Variants in C8orf34 observed in about 807,000 individuals in gnomAD.
The protein encoded by C8orf34 is chromosome 8 open reading frame 34.
Under a neutral mutation model 68.3 loss-of-function variants are expected in C8orf34, and 65 were observed. The observed-to-expected ratio is 0.95, with a 90% CI of 0.78 to 1.17. The LOEUF (loss-of-function observed/expected upper bound fraction) is 1.17. Among genes scored for constraint, C8orf34 ranks in the 50% most tolerant of loss-of-function variants. The probability of loss-of-function intolerance (pLI) is 0.00; values close to 1 mark genes in which losing one functional copy is unlikely to be tolerated. For synonymous variants in C8orf34, 244 were observed against 241.2 expected, an observed-to-expected ratio of 1.01 and a Z score of -0.11; for missense variants, 664 against 655.4, an observed-to-expected ratio of 1.01 and a Z score of -0.14.
chr8:68,368,549 G>A (rs1807416466), intron 1 of C8orf34, among the ~76,000 whole-genome samples: 1 of 151,976 alleles, frequency 6.6e-6, no homozygotes, highest in Non-Finnish European at 1.5e-5. Flanking sequence ...CATATTTTTT[G>A]TGTGGGTCCT....
intron 9 of C8orf34, among the ~76,000 whole-genome samples, chr8:68,717,811 A>G (rs1052463270): frequency 6.6e-6 from 1 of 152,224 alleles, no homozygotes; most frequent in Non-Finnish European, 1.5e-5. Flanking sequence ...TTAATGTAGC[A>G]TAATAGAAAG....
chr8:68,760,863 G>A (rs958970562), intron 10 of C8orf34, among the ~76,000 whole-genome samples: 1 of 152,120 alleles, frequency 6.6e-6, no homozygotes, highest in African/African-American at 2.4e-5. Flanking sequence ...CTCTATCACT[G>A]TTTAAATATT....
intron 12 of C8orf34, among the ~76,000 whole-genome samples, chr8:68,811,356 T>A (rs1824644971): frequency 6.6e-6 from 1 of 152,190 alleles, no homozygotes; most frequent in Non-Finnish European, 1.5e-5. Flanking sequence ...GGGCAGGTGA[T>A]CTTCCTGGGC....
intron 8 of C8orf34, among the ~76,000 whole-genome samples, chr8:68,684,901 G>A (rs1820469912): frequency 6.6e-6 from 1 of 152,036 alleles, no homozygotes; most frequent in Non-Finnish European, 1.5e-5. Flanking sequence ...GGAAAATTAT[G>A]TTGGAGTTAA....
At chr8:68,411,480 T>G (rs758328737) in intron 1 of C8orf34, among the ~76,000 whole-genome samples, 3 of 152,190 alleles carry the variant, frequency 2.0e-5, no homozygotes, top group Admixed American at 6.6e-5. Flanking sequence ...GTGAACTCAA[T>G]TTGGACTCAG....
intron 8 of C8orf34, among the ~76,000 whole-genome samples, chr8:68,696,934 T>C (rs985485817): frequency 6.6e-6 from 1 of 152,082 alleles, no homozygotes; most frequent in African/African-American, 2.4e-5. Context: ...TAATATTAAC[T>C]ATGGCTAAAC....
chr8:68,462,132 G>C (rs1811863377), intron 3 of C8orf34, among the ~76,000 whole-genome samples: 1 of 151,936 alleles, frequency 6.6e-6, no homozygotes, highest in Admixed American at 6.6e-5. Flanking sequence ...AAAGGCAGGG[G>C]TTGCAATCCT....
intron 8 of C8orf34, among the ~76,000 whole-genome samples, chr8:68,701,513 A>AT (rs11291622): frequency 1.4e-4 from 21 of 150,978 alleles, no homozygotes; most frequent in Non-Finnish European, 1.9e-4. Flanking sequence ...AAATATTCAC[A>AT]TTTTTTTTTC....
At chr8:68,759,845 C>T (rs1822974470) in intron 10 of C8orf34, among the ~76,000 whole-genome samples, 1 of 152,142 alleles carries the variant, frequency 6.6e-6, no homozygotes, top group African/African-American at 2.4e-5. Flanking sequence ...TTAGTGCATC[C>T]ATTCATTCCA....
intron 12 of C8orf34, among the ~76,000 whole-genome samples, chr8:68,810,659 G>A (rs1388170520): frequency 6.6e-6 from 1 of 152,162 alleles, no homozygotes; most frequent in African/African-American, 2.4e-5. Flanking sequence ...TGGAGGGTGA[G>A]TAAGGTCAAG....
intron 13 of C8orf34, 119 bp from the exon 14 acceptor site, chr8:68,818,120 C>G: frequency 1.1e-6 from 1 of 914,558 alleles, no homozygotes; most frequent in South Asian, 1.5e-5. Flanking sequence ...ATGTCAATAT[C>G]CTTTCAAAAG....
intron 10 of C8orf34, 132 bp downstream of exon 10, chr8:68,721,569 A>C (rs1821678925): frequency 1.6e-6 from 1 of 620,758 alleles, no homozygotes; most frequent in African/African-American, 1.9e-5. Context: ...TTGTTTCAAC[A>C]GTTGGGGAAG....
intron 7 of C8orf34, among the ~76,000 whole-genome samples, chr8:68,536,188 C>G (rs1446303324): frequency 6.6e-6 from 1 of 151,400 alleles, no homozygotes; most frequent in East Asian, 1.9e-4. Flanking sequence ...TGAGACCAGC[C>G]TGGGAAACAT....
intron 11 of C8orf34, among the ~76,000 whole-genome samples, chr8:68,781,817 C>T (rs1823687191): frequency 6.6e-6 from 1 of 152,008 alleles, no homozygotes; most frequent in Admixed American, 6.6e-5. Context: ...AAAGTTCTTC[C>T]CAAACTACAT....
At chr8:68,498,665 A>T (rs535434914) in intron 5 of C8orf34, among the ~76,000 whole-genome samples, 18 of 152,332 alleles carry the variant, frequency 1.2e-4, no homozygotes, top group South Asian at 2.1e-4. Context: ...AATTTTTGGC[A>T]TGGGGAAAAG....
At chr8:68,547,976 C>T (rs1454825638) in intron 7 of C8orf34, among the ~76,000 whole-genome samples, 1 of 151,686 alleles carries the variant, frequency 6.6e-6, no homozygotes. Context: ...ACCATTGGTG[C>T]TGGAACAATT....
intron 8 of C8orf34, among the ~76,000 whole-genome samples, chr8:68,641,467 C>A (rs1213445907): frequency 6.6e-6 from 1 of 152,144 alleles, no homozygotes; most frequent in African/African-American, 2.4e-5. Context: ...GTGAAAACCG[C>A]AATGGAAACA....
Position 68,521,902 on chromosome 8 carries a change from A to G in C8orf34, c.869A>G (p.Gln290Arg), listed in dbSNP as rs752425299. 1.9e-6 allele frequency: 3 copies of G among 1,614,164 alleles called. No homozygotes were observed. The South Asian group carries it at 3.3e-5, about 18-fold the overall frequency. The change falls in exon 6 of 14, where the codon CAG (glutamine) becomes CGG (arginine). Residue 290 changes from glutamine (Q) to arginine (R), a missense_variant. Physicochemically the swap from Gln to Arg is conservative, Grantham distance 43 (BLOSUM62 1). Transcript: ENST00000518698. The stretch of plus-strand genomic sequence containing the variant: ...GATCCCCTAGCTGCTGAAATGCTAC[A>G]GCCTCCAATTCCAAGAAGCAAAAAT... ...DADPLAAEML[Q>R]PPIPRSKNDQ... is the part of the protein sequence containing the mutation.
intron 6 of C8orf34, among the ~76,000 whole-genome samples, chr8:68,531,878 T>G (rs1272091113): frequency 6.6e-6 from 1 of 152,060 alleles, no homozygotes; most frequent in African/African-American, 2.4e-5. Context: ...AATTCCACAC[T>G]TAACAGAATA....
Sources: allele counts gnomAD v4.1 joint callset (sites outside exome capture counted in the v4.1 genomes callset), GRCh38; gene constraint gnomAD v4.1.1; transcripts MANE v1.5; gene names NCBI Gene and HGNC (gene_info 2026-07-23, HGNC 2026-07-21).